SGCD: variants seen among roughly 807,000 people sequenced by gnomAD.
The protein encoded by SGCD is delta-sarcoglycan.
In SGCD, 18 loss-of-function variants were observed where a neutral mutation model predicts 36.6. The ratio of observed to expected loss-of-function variants is 0.49; its 90% CI spans 0.34 to 0.73. SGCD has a LOEUF of 0.73. SGCD is among the 30% of genes least tolerant of loss of function. The pLI is 0.01. For missense variants in SGCD, 387 were observed against 346.7 expected, an observed-to-expected ratio of 1.12 and a Z score of -0.92; for synonymous variants, 133 against 130.6, an observed-to-expected ratio of 1.02 and a Z score of -0.12.
At chr5:155,833,503 C>A in the SGCD span, among the ~76,000 whole-genome samples, 1 of 152,084 alleles carries the variant, frequency 6.6e-6, no homozygotes, top group South Asian at 2.1e-4. Flanking sequence ...CTATGAGGGA[C>A]CCCAACAGAT....
the SGCD span, among the ~76,000 whole-genome samples, chr5:155,793,342 A>G: frequency 6.6e-6 from 1 of 152,156 alleles, no homozygotes; most frequent in Admixed American, 6.5e-5. Context: ...AAACCTCAGC[A>G]TTATGCAATA....
chr5:156,476,552 A>C (rs937338682), intron 3 of SGCD, among the ~76,000 whole-genome samples: 5 of 152,260 alleles, frequency 3.3e-5, no homozygotes, highest in Non-Finnish European at 1.5e-5. Context: ...AAGCATTTGA[A>C]ATAAATTGTG....
chr5:156,745,764 G>A (rs1756914798), intron 7 of SGCD, among the ~76,000 whole-genome samples: 1 of 152,012 alleles, frequency 6.6e-6, no homozygotes, highest in Non-Finnish European at 1.5e-5. Context: ...AGAATTTCTA[G>A]AAATGAAAAT....
intron 1 of SGCD, among the ~76,000 whole-genome samples, chr5:156,008,996 G>A (rs1758806795): frequency 6.6e-6 from 1 of 152,134 alleles, no homozygotes; most frequent in Non-Finnish European, 1.5e-5. Context: ...AAGTTAATAA[G>A]AAAGTTGGAA....
chr5:156,089,513 T>G (rs1010503302), intron 1 of SGCD, among the ~76,000 whole-genome samples: 3 of 152,222 alleles, frequency 2.0e-5, no homozygotes, highest in African/African-American at 7.2e-5. Flanking sequence ...TCAGTAATGC[T>G]TTGGCTACCT....
chr5:155,848,116 A>T, the SGCD span, among the ~76,000 whole-genome samples: 1 of 152,204 alleles, frequency 6.6e-6, no homozygotes, highest in South Asian at 2.1e-4. Flanking sequence ...CACAAATCTC[A>T]TGGAGCTTCT....
intron 1 of SGCD, among the ~76,000 whole-genome samples, chr5:156,031,824 G>T (rs1283876249): frequency 1.3e-5 from 2 of 152,180 alleles, no homozygotes; most frequent in Admixed American, 6.5e-5. Context: ...GCTTAACCAA[G>T]ATTTGAACCA....
At chr5:156,127,351 C>A (rs530783218) in intron 3 of SGCD, among the ~76,000 whole-genome samples, 1 of 152,044 alleles carries the variant, frequency 6.6e-6, no homozygotes, top group African/African-American at 2.4e-5. Context: ...TGCCTGTAAT[C>A]TTAGTGATTT....
At chr5:156,584,368 T>A (rs1760406516) in intron 4 of SGCD, among the ~76,000 whole-genome samples, 1 of 152,220 alleles carries the variant, frequency 6.6e-6, no homozygotes, top group Admixed American at 6.5e-5. Flanking sequence ...TATGATCGCT[T>A]ACAGAACTCA....
rs773066222 is a variant in SGCD, at chr5:156,352,618, G to A, written c.192+7941G>A. Among the ~76,000 whole-genome samples the A allele has an allele frequency of 5.3e-5, 8 of 152,152 alleles. No homozygotes were observed. In the South Asian group the frequency reaches 1.2e-3, roughly 24 times the overall value. ...CTGATTTCTATTTTAGTTTCTATTC[G>A]TTAACATTACAAAATCCAAACTGTT... On this transcript the variant is annotated intron_variant, in intron 3 of 8. Transcript: ENST00000337851.
rs907246131 is a variant in SGCD at position 156,075,721 on chromosome 5, T to TGATAACGAAC, written c.-281-42157_-281-42156insGATAACGAAC. ...TCAAGTGTGGGGTGATAACGATAGG[T>TGATAACGAAC]ATTCTGGTGATGATGTTAAGAACAA... On this transcript the variant is annotated intron_variant, in intron 1 of 9. Coordinates refer to the SGCD transcript ENST00000517913. Among the ~76,000 whole-genome samples the TGATAACGAAC allele has an allele frequency of 1.2e-4, 19 of 152,314 alleles. No homozygotes were observed. The East Asian group carries it at 3.5e-3, about 28-fold the overall frequency.
At chr5:156,601,486 G>A (rs915333863) in intron 6 of SGCD, among the ~76,000 whole-genome samples, 4 of 152,096 alleles carry the variant, frequency 2.6e-5, no homozygotes, top group Admixed American at 6.5e-5. Flanking sequence ...CTCTTCCATC[G>A]GTGTATGTGT....
At chr5:155,760,100 C>A in the SGCD span, among the ~76,000 whole-genome samples, 3 of 151,716 alleles carry the variant, frequency 2.0e-5, no homozygotes, top group African/African-American at 7.3e-5. Context: ...TCATATTCAC[C>A]AACACCCTCT....
chr5:156,030,037 A>G (rs777440400), intron 1 of SGCD, among the ~76,000 whole-genome samples: 12 of 152,100 alleles, frequency 7.9e-5, no homozygotes, highest in Non-Finnish European at 1.5e-4. Flanking sequence ...TTGTGCTCAG[A>G]TACTAGTTAA....
intron 3 of SGCD, among the ~76,000 whole-genome samples, chr5:156,205,484 A>C (rs573305219): frequency 6.6e-6 from 1 of 152,162 alleles, no homozygotes; most frequent in Non-Finnish European, 1.5e-5. Context: ...TTGAAAGACA[A>C]TCATACAGGC....
At chr5:156,529,212 G>T (rs569548192) in intron 4 of SGCD, among the ~76,000 whole-genome samples, 2 of 152,140 alleles carry the variant, frequency 1.3e-5, no homozygotes, top group Non-Finnish European at 2.9e-5. Flanking sequence ...GGATAACGAG[G>T]TCAAGAGATC....
At chr5:155,797,478 A>C in the SGCD span, among the ~76,000 whole-genome samples, 1 of 152,330 alleles carries the variant, frequency 6.6e-6, no homozygotes, top group South Asian at 2.1e-4. Context: ...GGTATTCAAA[A>C]CTGTTTTGTA....
At chr5:155,925,141 T>C (rs1756970699) in intron 1 of SGCD, among the ~76,000 whole-genome samples, 1 of 152,120 alleles carries the variant, frequency 6.6e-6, no homozygotes, top group Non-Finnish European at 1.5e-5. Flanking sequence ...AACAATACTA[T>C]GGATAATAAA....
rs147244627 is a variant in SGCD at position 155,991,820 on chromosome 5, G to A, written c.-282+121396G>A. The stretch of plus-strand genomic sequence containing the variant: ...ACCCGTAACTATTATTACTTAAGGC[G>A]AACTCCACAAAGACTTTTTTTCTTA... On this transcript the variant is annotated intron_variant, in intron 1 of 9. Coordinates refer to the SGCD transcript ENST00000517913. 5.3e-4 allele frequency among the ~76,000 whole-genome samples: 81 copies of A among 152,162 alleles called. 1 individual carries two copies. The East Asian group carries it at 5.4e-3, about 10-fold the overall frequency.
Sources: gnomAD v4.1 joint callset for allele counts (sites outside exome capture counted in the v4.1 genomes callset) on GRCh38, gnomAD v4.1.1 for gene constraint, MANE v1.5 for transcripts, NCBI Gene and HGNC (gene_info 2026-07-23, HGNC 2026-07-21) for gene names.